DZANK1: variants seen among roughly 807,000 people sequenced by gnomAD.
DZANK1 encodes the protein double zinc ribbon and ankyrin repeat-containing protein 1.
In DZANK1, 91 loss-of-function variants were observed where a neutral mutation model predicts 94.5. The ratio of observed to expected loss-of-function variants is 0.96; its 90% CI spans 0.81 to 1.15. The LOEUF is 1.15. Ranked by LOEUF, DZANK1 falls within the 50% of genes most tolerant of loss-of-function variation. The pLI, the probability that DZANK1 is intolerant of heterozygous loss-of-function variation, is 0.00. For missense variants in DZANK1, 903 were observed against 916.4 expected (o/e 0.99, Z 0.19); for synonymous variants, 312 against 325.3 (o/e 0.96, Z 0.44).
chr20:18,396,683 G>A (rs985063338), intron 14 of DZANK1, 137 bp from the exon 15 acceptor site: 14 of 558,274 alleles, frequency 2.5e-5, no homozygotes, highest in Non-Finnish European at 4.3e-5. Context: ...AGTAGGAAAA[G>A]AAAAACAGAG....
Position 18,387,749 on chromosome 20 carries a change from A to G in DZANK1, c.2018+1952T>C, listed in dbSNP as rs554739819. 4.6e-5 allele frequency among the ~76,000 whole-genome samples: 7 copies of G among 152,324 alleles called. No individual in the cohort carries two copies. The South Asian group carries it at 1.5e-3, about 32-fold the overall frequency. On this transcript the variant is annotated intron_variant, in intron 19 of 20. Transcript: ENST00000262547. ...TGAATATGAGTTCATTCTGGTAGGA[A>G]TGATACAAACATGGAACTAGGAAAT...
intron 10 of DZANK1, among the ~76,000 whole-genome samples, chr20:18,416,970 A>G (rs980415369): frequency 1.3e-5 from 2 of 151,464 alleles, no homozygotes; most frequent in Non-Finnish European, 2.9e-5. Context: ...TAAACATAAC[A>G]TTGCTTTAAA....
chr20:18,389,992 G>A (rs1230376753), intron 18 of DZANK1, among the ~76,000 whole-genome samples, 164 bp from the exon 19 acceptor site: 1 of 152,128 alleles, frequency 6.6e-6, no homozygotes, highest in Non-Finnish European at 1.5e-5. Context: ...CCTGATCTAC[G>A]ATGAACAGAG....
chr20:18,453,678 C>G (rs894023287), intron 5 of DZANK1, 53 bp downstream of exon 5: 31 of 1,298,880 alleles, frequency 2.4e-5, no homozygotes, highest in Middle Eastern at 2.6e-4. Context: ...TGCCATGAAC[C>G]TCTTCGGTGG....
intron 10 of DZANK1, among the ~76,000 whole-genome samples, chr20:18,418,123 G>T (rs1444438505): frequency 1.3e-5 from 2 of 152,092 alleles, no homozygotes; most frequent in African/African-American, 4.8e-5. Flanking sequence ...GAAGGCAGTA[G>T]AGAATGAACA....
chr20:18,435,221 G>A (rs1357448409), intron 8 of DZANK1, among the ~76,000 whole-genome samples: 2 of 152,210 alleles, frequency 1.3e-5, no homozygotes, highest in Non-Finnish European at 2.9e-5. Context: ...AGCTGCCTGT[G>A]TACAATCTCT....
At chr20:18,435,294 A>G (rs1264035831) in intron 8 of DZANK1, among the ~76,000 whole-genome samples, 1 of 152,196 alleles carries the variant, frequency 6.6e-6, no homozygotes, top group Non-Finnish European at 1.5e-5. Flanking sequence ...TATAAGAGAA[A>G]GGAAAAGCTG....
At chr20:18,420,262 T>C (rs1365473521) in intron 10 of DZANK1, 7 of 192,386 alleles carry the variant, frequency 3.6e-5, no homozygotes, top group Admixed American at 3.4e-4. Flanking sequence ...CTTGCACCCA[T>C]AGGTGTTTAC....
chr20:18,428,906 C>T (rs16979111), intron 9 of DZANK1, among the ~76,000 whole-genome samples: 3,792 of 152,260 alleles, frequency 0.025, 157 homozygotes, highest in African/African-American at 0.086. Flanking sequence ...ACTGAGCCAA[C>T]GCACCACAGT....
Position 18,460,222 on chromosome 20 carries a change from G to A in DZANK1, c.194C>T (p.Thr65Ile), listed in dbSNP as rs770962917. ...AGTAATAGGTTTTATATACTTAAAT[G>A]TGTTATTTTCCCCATAACCAATTCT... Residue 65 changes from threonine to isoleucine, a missense_variant, in exon 3 of 21, where the codon ACA becomes ATA. Physicochemically the swap from Thr to Ile is moderately conservative, Grantham distance 89. Coordinates refer to ENST00000262547, the Ensembl canonical transcript of DZANK1. The A allele has an allele frequency of 4.4e-6, 7 of 1,593,878 alleles. No homozygotes were observed. The East Asian group carries it at 1.3e-4, about 31-fold the overall frequency.
At chr20:18,453,615 C>T in intron 5 of DZANK1, 116 bp downstream of exon 5, 1 of 711,868 alleles carries the variant, frequency 1.4e-6, no homozygotes, top group South Asian at 1.7e-5. Context: ...ACTTTCCTGC[C>T]CCAGTGTTTC....
chr20:18,384,354 A>G, exon 21 of DZANK1: 1 of 1,554,148 alleles, frequency 6.4e-7, no homozygotes, highest in Non-Finnish European at 8.7e-7. Flanking sequence ...CCACTGTGCC[A>G]GCCATGCACG....
intron 16 of DZANK1, 121 bp downstream of exon 16, chr20:18,394,133 T>C (rs1235311993): frequency 8.2e-6 from 7 of 848,486 alleles, no homozygotes; most frequent in Middle Eastern, 3.4e-4. Context: ...ATAAAACGTC[T>C]GGAACATAAC....
chr20:18,427,551 C>T (rs566516304), intron 9 of DZANK1, among the ~76,000 whole-genome samples: 3 of 151,536 alleles, frequency 2.0e-5, no homozygotes, highest in South Asian at 2.1e-4. Flanking sequence ...AAAAAGTATT[C>T]GTTTGGTTTT....
At chr20:18,401,596 C>T (rs1185428124) in intron 13 of DZANK1, among the ~76,000 whole-genome samples, 2 of 152,200 alleles carry the variant, frequency 1.3e-5, no homozygotes, top group Non-Finnish European at 2.9e-5. Flanking sequence ...ATCCACAAGG[C>T]TAAGGCCTCA....
intron 13 of DZANK1, among the ~76,000 whole-genome samples, chr20:18,399,413 A>G (rs557199472): frequency 6.6e-6 from 1 of 152,140 alleles, no homozygotes; most frequent in East Asian, 1.9e-4. Context: ...TATTTTTTAT[A>G]GAGATGGAGT....
chr20:18,417,399 T>C (rs1336855930), intron 10 of DZANK1, among the ~76,000 whole-genome samples: 2 of 152,242 alleles, frequency 1.3e-5, no homozygotes, highest in Non-Finnish European at 2.9e-5. Context: ...TACTGAAATC[T>C]ATCTGTAAGA....
exon 2 of DZANK1, chr20:18,465,325 T>C (rs373354864): frequency 1.2e-6 from 2 of 1,609,556 alleles, no homozygotes; most frequent in African/African-American, 2.7e-5. Flanking sequence ...CGTAATGGTA[T>C]GATCTGAGGG....
chr20:18,442,887 T>A (rs1212039145), intron 8 of DZANK1, among the ~76,000 whole-genome samples: 1 of 152,212 alleles, frequency 6.6e-6, no homozygotes, highest in Non-Finnish European at 1.5e-5. Flanking sequence ...TCAATTATTA[T>A]CTATCCTAAA....
Sources: gnomAD v4.1 joint callset for allele counts (sites outside exome capture counted in the v4.1 genomes callset) on GRCh38, gnomAD v4.1.1 for gene constraint, MANE v1.5 for transcripts, NCBI Gene and HGNC (gene_info 2026-07-23, HGNC 2026-07-21) for gene names.